SH3PXD2B: variants seen among roughly 807,000 people sequenced by gnomAD.
SH3PXD2B encodes the protein SH3 and PX domain-containing protein 2B.
A neutral mutation model predicts 73.1 loss-of-function variants in SH3PXD2B; 37 were observed. The observed-to-expected ratio is 0.51, with a 90% confidence interval of 0.39 to 0.67. The LOEUF is 0.67. SH3PXD2B is among the 30% of genes least tolerant of loss of function. The pLI is 0.00. For missense variants in SH3PXD2B, 1,053 were observed against 1,197.8 expected (o/e 0.88, Z 1.78); for synonymous variants, 457 against 480.5 (o/e 0.95, Z 0.64).
At chr5:172,444,215 T>G (rs1759610871) in intron 1 of SH3PXD2B, among the ~76,000 whole-genome samples, 1 of 152,104 alleles carries the variant, frequency 6.6e-6, no homozygotes, top group Admixed American at 6.5e-5. Context: ...GACTCTTGAG[T>G]GGCTAAAAGG....
At chr5:172,411,104 G>T (rs10073577) in intron 2 of SH3PXD2B, among the ~76,000 whole-genome samples, 1 of 152,172 alleles carries the variant, frequency 6.6e-6, no homozygotes, top group East Asian at 1.9e-4. Context: ...ATCAGTCTCA[G>T]CTGTGGAGTA....
At chr5:172,361,205 G>A (rs892841313) in intron 7 of SH3PXD2B, among the ~76,000 whole-genome samples, 3 of 151,942 alleles carry the variant, frequency 2.0e-5, no homozygotes, top group African/African-American at 4.8e-5. Flanking sequence ...GTACACACAC[G>A]CACACATACA....
chr5:172,338,811 G>C lies in SH3PXD2B; in HGVS notation c.2294C>G (p.Pro765Arg). Residue 765 changes from proline to arginine, a missense_variant, in exon 13 of 13, where the codon CCA becomes CGA. Pro to Arg is a moderately radical substitution (Grantham distance 103). Around this residue, in one of 2 missense-constraint regions of SH3PXD2B, gnomAD observed 587 missense variants for 590.7 expected, o/e 0.99. Transcript: ENST00000311601. The surrounding 1 kb of genome is among the most constrained non-coding windows in gnomAD (Gnocchi z 5.1). ...CCTGGATGACGAAGAGGTTTTCTTT[G>C]GGGGAGGTGGTCTGCGGGGTGGGAC... ...PVVPPRRPPPPKKTSSSSRPL... is the reference protein window; with the variant it reads ...PVVPPRRPPPRKKTSSSSRPL... 6.2e-7 allele frequency: 1 copy of C among 1,614,160 alleles called. No individual in the cohort carries two copies.
intron 6 of SH3PXD2B, among the ~76,000 whole-genome samples, chr5:172,363,740 T>G (rs1189257413): frequency 1.3e-5 from 2 of 151,920 alleles, no homozygotes; most frequent in African/African-American, 4.8e-5. Context: ...AAAGAGTGGT[T>G]CTGAGTGAGG....
chr5:172,338,623 C>T lies in SH3PXD2B; in HGVS notation c.2482G>A (p.Gly828Arg), dbSNP rs2113250792. 6.2e-7 allele frequency: 1 copy of T among 1,614,162 alleles called. No individual in the cohort carries two copies. Among genetic ancestry groups the T allele is most frequent in the South Asian group, 1.1e-5 (1 of 91,074 alleles). The change falls in exon 13 of 13, where the codon GGG becomes AGG. Residue 828 changes from glycine (G) to arginine (R), a missense_variant. Around this residue, in one of 2 missense-constraint regions of SH3PXD2B, gnomAD observed 587 missense variants for 590.7 expected, o/e 0.99. Coordinates refer to ENST00000311601, the MANE Select transcript of SH3PXD2B (RefSeq NM_001017995.3). The surrounding 1 kb of genome is among the most constrained non-coding windows in gnomAD (Gnocchi z 5.1). ...CTGTTTTCTCCAATCTTGCCGGTCC[C>T]CCATGGCCCCAGGCTGCCTTTGCCT... ...TRGKGSLGPW[G>R]TGKIGENREK...
chr5:172,448,248 CAT>C (rs1347328330), intron 1 of SH3PXD2B, among the ~76,000 whole-genome samples: 2 of 152,238 alleles, frequency 1.3e-5, no homozygotes, highest in African/African-American at 4.8e-5. Context: ...ACGAAAACTG[CAT>C]AGTGTGCCTT....
At position 172,338,253 on chromosome 5, in the gene SH3PXD2B, C is replaced by T. The variant is rs1756750221; in HGVS notation, c.*116G>A. ...CCATGGGAGGCAAGAAGTCACAGTA[C>T]CCCAGAGTCTGTCTGCCTTGGAAGC... is the stretch of plus-strand genomic sequence containing the variant. On this transcript the variant is annotated 3_prime_UTR_variant, in exon 13 of 13. Coordinates refer to ENST00000311601, the MANE Select transcript of SH3PXD2B (RefSeq NM_001017995.3). The surrounding 1 kb of genome is among the most constrained non-coding windows in gnomAD (Gnocchi z 5.1). The T allele has an allele frequency of 2.5e-6, 4 of 1,586,350 alleles. No individual in the cohort carries two copies. Among genetic ancestry groups the T allele is most frequent in the African/African-American group, 1.3e-5 (1 of 74,176 alleles).
At chr5:172,430,573 C>T (rs564917187) in intron 1 of SH3PXD2B, among the ~76,000 whole-genome samples, 1 of 152,268 alleles carries the variant, frequency 6.6e-6, no homozygotes, top group South Asian at 2.1e-4. Flanking sequence ...GAGAGCCTGA[C>T]TGGCGCCCAG....
chr5:172,407,138 C>G (rs1365241502), intron 2 of SH3PXD2B, among the ~76,000 whole-genome samples: 1 of 152,204 alleles, frequency 6.6e-6, no homozygotes, highest in East Asian at 1.9e-4. Context: ...ATCTTTAAGT[C>G]TGCCATAAGG....
At chr5:172,374,762 T>C (rs1202757742) in intron 5 of SH3PXD2B, among the ~76,000 whole-genome samples, 7 of 152,164 alleles carry the variant, frequency 4.6e-5, no homozygotes, top group Admixed American at 1.3e-4. Context: ...AGTTATCTCA[T>C]GAGTAATGAA....
chr5:172,398,334 T>C (rs1328286274), intron 3 of SH3PXD2B, among the ~76,000 whole-genome samples: 1 of 152,272 alleles, frequency 6.6e-6, no homozygotes, highest in Non-Finnish European at 1.5e-5. Context: ...CTGTACCATC[T>C]ATCAATAGTC....
chr5:172,392,396 A>G (rs1045968024), intron 4 of SH3PXD2B, among the ~76,000 whole-genome samples: 1 of 152,200 alleles, frequency 6.6e-6, no homozygotes, highest in Non-Finnish European at 1.5e-5. Flanking sequence ...TGATGTTGTA[A>G]GCCAACCAGT....
At chr5:172,434,117 G>A (rs1759314742) in intron 1 of SH3PXD2B, among the ~76,000 whole-genome samples, 1 of 152,164 alleles carries the variant, frequency 6.6e-6, no homozygotes, top group African/African-American at 2.4e-5. Flanking sequence ...CTAGAAGAGA[G>A]GACTTGAAAT....
intron 6 of SH3PXD2B, among the ~76,000 whole-genome samples, chr5:172,368,466 T>TA (rs1292813392): frequency 2.4e-5 from 1 of 41,988 alleles, no homozygotes; most frequent in Non-Finnish European, 3.8e-5. Flanking sequence ...TATATATATA[T>TA]ATTATATATA....
chr5:172,356,005 T>C (rs1345830355), intron 8 of SH3PXD2B, among the ~76,000 whole-genome samples: 2 of 152,054 alleles, frequency 1.3e-5, no homozygotes, highest in African/African-American at 4.8e-5. Flanking sequence ...CCAGCCTTTG[T>C]CCCCATGGCT....
At chr5:172,373,516 T>C (rs532687334) in intron 6 of SH3PXD2B, among the ~76,000 whole-genome samples, 66 of 152,326 alleles carry the variant, frequency 4.3e-4, no homozygotes, top group African/African-American at 1.2e-3. Context: ...TTTTGGTATA[T>C]TGGATGAAAC....
chr5:172,391,214 T>C (rs1392953453), intron 4 of SH3PXD2B, among the ~76,000 whole-genome samples: 1 of 152,154 alleles, frequency 6.6e-6, no homozygotes, highest in East Asian at 1.9e-4. Context: ...GTCTTGTTGA[T>C]TATAAGCAAC....
In SH3PXD2B at chr5:172,380,715, A is replaced by G. The variant is rs563774121; in HGVS notation, c.401+1321T>C. Among the ~76,000 whole-genome samples the G allele has an allele frequency of 2.6e-5, 4 of 152,344 alleles. No individual in the cohort carries two copies. The South Asian group carries it at 6.2e-4, about 24-fold the overall frequency. Reference sequence around the variant, plus strand: ...CTGTGTCTTGGCTCCCGTGTTGGTAAGGCATTCCCTTGTGACATCCGATTC... The same window carrying G: ...CTGTGTCTTGGCTCCCGTGTTGGTAGGGCATTCCCTTGTGACATCCGATTC... On this transcript the variant is annotated intron_variant, in intron 5 of 12. Transcript: ENST00000311601.
chr5:172,357,380 T>C (rs1476136), intron 8 of SH3PXD2B, among the ~76,000 whole-genome samples: 66,891 of 150,950 alleles, frequency 0.44, 15,240 homozygotes, highest in East Asian at 0.68. Flanking sequence ...GCCGAGATCA[T>C]GCCACTGTAC....
Sources: allele counts gnomAD v4.1 joint callset (sites outside exome capture counted in the v4.1 genomes callset), GRCh38; gene constraint gnomAD v4.1.1; regional missense constraint gnomAD v4.1.1; non-coding constraint Gnocchi (gnomAD v3.1); transcripts MANE v1.5; gene names NCBI Gene and HGNC (gene_info 2026-07-23, HGNC 2026-07-21).